TAFA2: variants seen among roughly 807,000 people sequenced by gnomAD.
The protein encoded by TAFA2 is chemokine-like protein TAFA-2.
TAFA2 carries 7 observed loss-of-function variants against 18.8 expected under a neutral mutation model. The observed-to-expected ratio is 0.37, with a 90% CI of 0.21 to 0.70. TAFA2 has a LOEUF of 0.70. TAFA2 is among the 30% of genes least tolerant of loss of function. TAFA2 has a pLI of 0.53. For synonymous variants in TAFA2, 60 were observed against 54.2 expected (o/e 1.11, Z -0.47); for missense variants, 122 against 158.1 (o/e 0.77, Z 1.23).
rs141170071 is a variant in TAFA2, at chr12:61,860,364, G to A, written c.106+6956C>T. ...TTCTAGCTATTTTTCTTTCTCTTAGGACATTAATCCAATTGTTTTTATCAA... is the reference window on the plus strand; with the variant it reads ...TTCTAGCTATTTTTCTTTCTCTTAGAACATTAATCCAATTGTTTTTATCAA... On this transcript the variant is annotated intron_variant, in intron 2 of 4. Transcript: ENST00000416284. Among the ~76,000 whole-genome samples, 678 of 152,094 alleles carry A rather than the reference G, an allele frequency of 4.5e-3. 6 individuals are homozygous for A. The highest frequency in any genetic ancestry group is 0.014 in the African/African-American group (598 of 41,476).
intron 1 of TAFA2, among the ~76,000 whole-genome samples, chr12:61,952,656 T>C (rs1234363462): frequency 1.3e-5 from 2 of 152,166 alleles, no homozygotes; most frequent in African/African-American, 2.4e-5. Context: ...TCTCTTTATA[T>C]ATAAACTTCA....
At chr12:62,242,777 T>C (rs532472212) in intron 1 of TAFA2, among the ~76,000 whole-genome samples, 1 of 152,344 alleles carries the variant, frequency 6.6e-6, no homozygotes, top group East Asian at 1.9e-4. Flanking sequence ...TGGCTGGGCA[T>C]AGTCTATAAG....
chr12:62,043,469 G>T (rs1178785769), intron 1 of TAFA2, among the ~76,000 whole-genome samples: 1 of 152,022 alleles, frequency 6.6e-6, no homozygotes, highest in Non-Finnish European at 1.5e-5. Context: ...GTTGTGAGGT[G>T]GGGGTAGGGG....
At chr12:61,755,659 T>C (rs902355223) in intron 2 of TAFA2, among the ~76,000 whole-genome samples, 2 of 152,104 alleles carry the variant, frequency 1.3e-5, no homozygotes, top group Non-Finnish European at 2.9e-5. Context: ...TGTCACCAAA[T>C]GGTACCATGA....
At chr12:62,077,002 G>C (rs913608020) in intron 1 of TAFA2, among the ~76,000 whole-genome samples, 1 of 152,134 alleles carries the variant, frequency 6.6e-6, no homozygotes, top group Non-Finnish European at 1.5e-5. Flanking sequence ...ATTAGTCTAG[G>C]TTTAGGTGAT....
chr12:61,933,826 T>G (rs536368158), intron 1 of TAFA2, among the ~76,000 whole-genome samples: 1 of 152,220 alleles, frequency 6.6e-6, no homozygotes, highest in Non-Finnish European at 1.5e-5. Flanking sequence ...GCTAAGCACA[T>G]AGACATAATG....
intron 1 of TAFA2, among the ~76,000 whole-genome samples, chr12:62,150,888 CAAA>C (rs879493653): frequency 9.1e-6 from 1 of 109,330 alleles, no homozygotes; most frequent in African/African-American, 3.5e-5. Context: ...AGACCCTGTC[CAAA>C]AAAAAAAAAA....
intron 4 of TAFA2, among the ~76,000 whole-genome samples, chr12:61,742,268 T>C (rs546710427): frequency 1.3e-5 from 2 of 152,262 alleles, no homozygotes; most frequent in African/African-American, 2.4e-5. Flanking sequence ...CTGCAGTGTT[T>C]ACAATGTGTT....
intron 1 of TAFA2, among the ~76,000 whole-genome samples, chr12:61,989,618 G>A (rs1879932526): frequency 6.6e-6 from 1 of 152,162 alleles, no homozygotes; most frequent in Non-Finnish European, 1.5e-5. Flanking sequence ...GCTTGTTTTA[G>A]AAGGTGCACA....
chr12:61,791,233 AC>A (rs1270971485), intron 2 of TAFA2, among the ~76,000 whole-genome samples: 10 of 151,894 alleles, frequency 6.6e-5, no homozygotes, highest in African/African-American at 2.2e-4. Flanking sequence ...TAAATATGAG[AC>A]CTGAAACTAT....
At chr12:61,779,481 T>G (rs1404900618) in intron 2 of TAFA2, among the ~76,000 whole-genome samples, 4 of 151,868 alleles carry the variant, frequency 2.6e-5, no homozygotes, top group Non-Finnish European at 5.9e-5. Flanking sequence ...TGGAGCTGCC[T>G]TAGTGCAAAT....
At chr12:62,234,385 A>C in intron 1 of TAFA2, 1 of 657,034 alleles carries the variant, frequency 1.5e-6, no homozygotes, top group Non-Finnish European at 2.9e-6. Context: ...TCCTTCATTC[A>C]CCTAAGGACC....
At chr12:62,089,219 A>G (rs1438186409) in intron 1 of TAFA2, among the ~76,000 whole-genome samples, 2 of 152,124 alleles carry the variant, frequency 1.3e-5, no homozygotes, top group African/African-American at 4.8e-5. Context: ...TTGTTACACA[A>G]TGAACCGATA....
intron 1 of TAFA2, chr12:62,234,486 C>A (rs2062826437): frequency 1.8e-6 from 2 of 1,087,592 alleles, no homozygotes; most frequent in Non-Finnish European, 2.8e-6. Flanking sequence ...GATGGTCAGA[C>A]CTCATGAACT....
chr12:61,978,682 G>T (rs528828457), intron 1 of TAFA2, among the ~76,000 whole-genome samples: 1 of 151,804 alleles, frequency 6.6e-6, no homozygotes, highest in African/African-American at 2.4e-5. Context: ...TAGATTTCAG[G>T]GCCTCAACCA....
chr12:62,155,790 A>C (rs1186726484), intron 1 of TAFA2, among the ~76,000 whole-genome samples: 1 of 152,232 alleles, frequency 6.6e-6, no homozygotes, highest in African/African-American at 2.4e-5. Context: ...TACAAAAATC[A>C]ACTCAAGATG....
At chr12:62,086,111 T>C (rs1868438163) in intron 1 of TAFA2, among the ~76,000 whole-genome samples, 1 of 151,962 alleles carries the variant, frequency 6.6e-6, no homozygotes, top group Non-Finnish European at 1.5e-5. Context: ...TCTTTACAAA[T>C]TACCCAGTCT....
At chr12:61,802,744 A>T (rs1194976302) in intron 2 of TAFA2, among the ~76,000 whole-genome samples, 1 of 152,074 alleles carries the variant, frequency 6.6e-6, no homozygotes, top group Non-Finnish European at 1.5e-5. Context: ...GAGGATTTTG[A>T]ATGTTCCCAA....
At chr12:62,171,847 C>T (rs1484628926) in intron 1 of TAFA2, among the ~76,000 whole-genome samples, 2 of 152,154 alleles carry the variant, frequency 1.3e-5, no homozygotes, top group Admixed American at 1.3e-4. Flanking sequence ...TCACAGAGTA[C>T]TTTAAAGAAC....
Sources: gnomAD v4.1 joint callset for allele counts (sites outside exome capture counted in the v4.1 genomes callset) on GRCh38, gnomAD v4.1.1 for gene constraint, MANE v1.5 for transcripts, NCBI Gene and HGNC (gene_info 2026-07-23, HGNC 2026-07-21) for gene names.